The following PSMA6 variants were observed in gnomAD, a reference collection of about 807,000 sequenced individuals.
PSMA6 encodes the protein proteasome 20S subunit alpha 6, also known as proteasome subunit alpha type-6.
For synonymous variants in PSMA6, 88 were observed against 97.7 expected, an observed-to-expected ratio of 0.90 and a Z score of 0.59; for missense variants, 170 against 294.8, an observed-to-expected ratio of 0.58 and a Z score of 3.10.
intron 1 of PSMA6, among the ~76,000 whole-genome samples, chr14:35,303,243 A>G (rs1336590794): frequency 6.6e-6 from 1 of 152,186 alleles, no homozygotes; most frequent in African/African-American, 2.4e-5. Flanking sequence ...CTTGGGTGGC[A>G]TCTTAAATCT....
intron 4 of PSMA6, 125 bp from the exon 5 acceptor site, chr14:35,312,756 A>C: frequency 1.2e-6 from 1 of 823,076 alleles, no homozygotes; most frequent in Non-Finnish European, 1.8e-6. Flanking sequence ...TTCTTAAAGG[A>C]AAATACATAT....
chr14:35,306,799 A>G (rs1021634754), intron 1 of PSMA6, among the ~76,000 whole-genome samples: 4 of 152,186 alleles, frequency 2.6e-5, no homozygotes, highest in Admixed American at 1.3e-4. Flanking sequence ...GTTTTAACCA[A>G]TAGAATGGAT....
chr14:35,292,411 G>A lies in PSMA6; in HGVS notation c.-66G>A. On this transcript the variant is annotated 5_prime_UTR_variant, in exon 1 of 7. Coordinates refer to ENST00000261479, the MANE Select transcript of PSMA6 (RefSeq NM_002791.3). ...GCAGTCGCTGCAACTTCCGGGAGGT[G>A]CTTGTGTGCCTGGTGCGGGAGCTAC... 1 of 1,570,684 alleles carries A rather than the reference G, an allele frequency of 6.4e-7. No homozygotes were observed. Among genetic ancestry groups the A allele is most frequent in the South Asian group, 1.2e-5 (1 of 85,204 alleles).
intron 1 of PSMA6, among the ~76,000 whole-genome samples, chr14:35,296,760 A>G (rs983026324): frequency 6.6e-6 from 1 of 152,146 alleles, no homozygotes; most frequent in African/African-American, 2.4e-5. Flanking sequence ...AAATATTCTT[A>G]TTTCAAAGCA....
chr14:35,297,611 C>A (rs1031138945), intron 1 of PSMA6, among the ~76,000 whole-genome samples: 13 of 152,292 alleles, frequency 8.5e-5, no homozygotes, highest in African/African-American at 2.9e-4. Context: ...TCCCGAAACT[C>A]TACAGCATTC....
chr14:35,304,411 G>C (rs983299117), intron 1 of PSMA6, among the ~76,000 whole-genome samples: 8 of 152,250 alleles, frequency 5.3e-5, no homozygotes, highest in African/African-American at 1.4e-4. Flanking sequence ...CACAAATAGC[G>C]AGGCACCAGC....
In PSMA6 at chr14:35,286,133, C is replaced by A. The variant is rs776467103; in HGVS notation, c.19+7415C>A. On this transcript the variant is annotated intron_variant, in intron 1 of 6. Coordinates refer to the PSMA6 transcript ENST00000540871. ...TTTTAAAGTGGGTACAGCATACTCA[C>A]CTGTTTGAGAGAAGAAGAAACTGAG... 2.0e-5 allele frequency among the ~76,000 whole-genome samples: 3 copies of A among 152,174 alleles called. No homozygotes were observed. In the South Asian group the frequency reaches 6.2e-4, roughly 31 times the overall value.
chr14:35,305,500 ATAGT>A (rs760226810), intron 1 of PSMA6, among the ~76,000 whole-genome samples: 61 of 152,270 alleles, frequency 4.0e-4, no homozygotes, highest in Admixed American at 1.4e-3. Flanking sequence ...TCTCTCTTAA[ATAGT>A]TAGCCATTTA....
At chr14:35,284,874 T>C (rs745792900) in intron 1 of PSMA6, among the ~76,000 whole-genome samples, 4 of 152,220 alleles carry the variant, frequency 2.6e-5, no homozygotes, top group Non-Finnish European at 5.9e-5. Context: ...GGGATAAAAC[T>C]TGCTATGTAC....
intron 1 of PSMA6, among the ~76,000 whole-genome samples, chr14:35,299,463 A>T (rs1029526168): frequency 2.0e-5 from 3 of 151,434 alleles, no homozygotes; most frequent in Middle Eastern, 3.2e-3. Flanking sequence ...CTGGGATTAC[A>T]GGCGCCTGCC....
chr14:35,297,960 C>G (rs1358789518), intron 1 of PSMA6, among the ~76,000 whole-genome samples: 3 of 152,126 alleles, frequency 2.0e-5, no homozygotes, highest in Non-Finnish European at 2.9e-5. Flanking sequence ...TTTCTACATA[C>G]AAAATAACTG....
At chr14:35,311,159 C>G (rs1005400740) in intron 4 of PSMA6, 1 of 306,854 alleles carries the variant, frequency 3.3e-6, no homozygotes, top group Non-Finnish European at 6.0e-6. Flanking sequence ...TGCAAGTCCT[C>G]ATTATTAGGA....
chr14:35,311,959 TCAAA>T (rs2051952218), intron 4 of PSMA6, among the ~76,000 whole-genome samples: 1 of 152,102 alleles, frequency 6.6e-6, no homozygotes, highest in Admixed American at 6.6e-5. Flanking sequence ...TATTTCTTGG[TCAAA>T]CAAACAGAAG....
chr14:35,283,710 A>G (rs1268504470), intron 1 of PSMA6, among the ~76,000 whole-genome samples: 2 of 151,830 alleles, frequency 1.3e-5, no homozygotes, highest in Non-Finnish European at 2.9e-5. Flanking sequence ...CACACACCCT[A>G]TAAGGTGGAC....
intron 5 of PSMA6, 73 bp downstream of exon 5, chr14:35,313,132 C>A: frequency 1.5e-6 from 2 of 1,320,180 alleles, no homozygotes; most frequent in Non-Finnish European, 1.0e-6. Flanking sequence ...AATTTCTATA[C>A]AAAGCTATTC....
chr14:35,311,831 A>G (rs553042790), intron 4 of PSMA6, among the ~76,000 whole-genome samples: 1 of 152,316 alleles, frequency 6.6e-6, no homozygotes, highest in African/African-American at 2.4e-5. Flanking sequence ...GAAGATGGGC[A>G]GTGTAAAGGT....
intron 1 of PSMA6, among the ~76,000 whole-genome samples, chr14:35,281,340 C>T (rs755595716): frequency 2.0e-5 from 3 of 152,158 alleles, no homozygotes; most frequent in Admixed American, 6.5e-5. Context: ...CCTTTGCAGT[C>T]TTAACTCTGC....
chr14:35,292,384 A>G lies in PSMA6; in HGVS notation c.-93A>G. On this transcript the variant is annotated 5_prime_UTR_variant, in exon 1 of 7. Transcript: ENST00000261479. ...GGAAGAAACGCGGCTGGTACCCCGG[A>G]AGCAGTCGCTGCAACTTCCGGGAGG... The G allele has an allele frequency of 6.5e-7, 1 of 1,541,516 alleles. No homozygotes were observed.
intron 1 of PSMA6, among the ~76,000 whole-genome samples, chr14:35,294,204 C>G (rs2051539081): frequency 1.3e-5 from 2 of 152,114 alleles, no homozygotes; most frequent in Admixed American, 6.5e-5. Context: ...CCACGCCTGG[C>G]TAATTTTGTA....
Sources: allele counts gnomAD v4.1 joint callset (sites outside exome capture counted in the v4.1 genomes callset), GRCh38; gene constraint gnomAD v4.1.1; transcripts MANE v1.5; gene names NCBI Gene and HGNC (gene_info 2026-07-23, HGNC 2026-07-21).